The following CELF2 variants were observed in gnomAD, a reference collection of about 807,000 sequenced individuals.
CELF2 encodes the protein CUG triplet repeat RNA-binding protein 2.
Under a neutral mutation model 62.6 loss-of-function variants are expected in CELF2, and 8 were observed. The ratio of observed to expected loss-of-function variants is 0.13; its 90% CI spans 0.07 to 0.23. The LOEUF is 0.23. CELF2 is among the 10% of genes least tolerant of loss of function. The pLI is 1.00. For synonymous variants in CELF2, 258 were observed against 250.0 expected (o/e 1.03, Z -0.30); for missense variants, 333 against 671.0 (o/e 0.50, Z 5.56).
rs2096091365 is a variant in CELF2 at position 11,334,922 on chromosome 10, T to A, written c.*5869T>A. ...CAATCAAAAGATATGTATAGAAAAG[T>A]CATTTAAATTATTTATTTCTACAAG... On this transcript the variant is annotated 3_prime_UTR_variant, in exon 13 of 13. Coordinates refer to ENST00000633077, the MANE Select transcript of CELF2 (RefSeq NM_001326342.2). The A allele has an allele frequency of 6.6e-6, 1 of 152,184 alleles. No homozygotes were observed. Among genetic ancestry groups the A allele is most frequent in the Non-Finnish European group, 1.5e-5 (1 of 68,036 alleles). 9.4% of individuals were successfully genotyped at this position (152,184 alleles called of 1,614,324 possible). A position where few individuals can be genotyped will look rare whatever the true frequency, so the allele number is the denominator to read the frequency against.
At chr10:10,611,260 C>T in the CELF2 span, among the ~76,000 whole-genome samples, 19 of 152,222 alleles carry the variant, frequency 1.2e-4, no homozygotes, top group African/African-American at 4.1e-4. Context: ...TAAGAGCCAA[C>T]CTATCATGGG....
At chr10:10,919,619 T>C (rs1035525071) in intron 1 of CELF2, among the ~76,000 whole-genome samples, 4 of 152,234 alleles carry the variant, frequency 2.6e-5, no homozygotes, top group Non-Finnish European at 4.4e-5. Flanking sequence ...TCGTTTAACA[T>C]GTAAATGTCT....
In CELF2 at chr10:11,319,141, G is replaced by A. The variant is rs746844680; in HGVS notation, c.1097-2048G>A. On this transcript the variant is annotated intron_variant, in intron 10 of 12. Coordinates refer to ENST00000633077, the MANE Select transcript of CELF2 (RefSeq NM_001326342.2). This position sits in a 1 kb window ranked among gnomAD's most constrained non-coding sequence, Gnocchi z 4.4. ...TCTCCCGCCAGAATTTCCTCCACACGGGCATCTGCATTTCCAGAGGACTGT... is the reference window on the plus strand; with the variant it reads ...TCTCCCGCCAGAATTTCCTCCACACAGGCATCTGCATTTCCAGAGGACTGT... The A allele has an allele frequency of 1.9e-5, 9 of 469,260 alleles. No individual in the cohort carries two copies. Among genetic ancestry groups the A allele is most frequent in the East Asian group, 1.4e-4 (2 of 14,394 alleles). 29.1% of individuals were successfully genotyped at this position (469,260 alleles called of 1,614,324 possible). A position where few individuals can be genotyped will look rare whatever the true frequency, so the allele number is the denominator to read the frequency against.
chr10:11,027,209 A>C (rs1366101498), intron 1 of CELF2, among the ~76,000 whole-genome samples: 3 of 152,184 alleles, frequency 2.0e-5, no homozygotes, highest in African/African-American at 7.2e-5. Flanking sequence ...GCAGTTTCTT[A>C]ATATTAAGCC....
At chr10:10,789,448 C>T in the CELF2 span, among the ~76,000 whole-genome samples, 5 of 152,100 alleles carry the variant, frequency 3.3e-5, no homozygotes, top group African/African-American at 4.8e-5. Flanking sequence ...AATACTACTA[C>T]GAATATCCTG....
intron 2 of CELF2, among the ~76,000 whole-genome samples, chr10:11,215,628 G>A (rs1044326247): frequency 5.9e-5 from 9 of 151,500 alleles, no homozygotes; most frequent in African/African-American, 9.7e-5. Flanking sequence ...TAAATGAGGC[G>A]GTAATTCAGA....
At chr10:10,653,820 G>T in the CELF2 span, among the ~76,000 whole-genome samples, 2 of 148,516 alleles carry the variant, frequency 1.3e-5, no homozygotes, top group African/African-American at 5.0e-5. Flanking sequence ...GGAAAAGCAA[G>T]AGCAAACACA....
At chr10:11,213,103 G>A (rs781053602) in intron 2 of CELF2, among the ~76,000 whole-genome samples, 1 of 141,328 alleles carries the variant, frequency 7.1e-6, no homozygotes, top group Admixed American at 7.9e-5. Context: ...CCTCTAACAT[G>A]GAGCGAGGCC....
intron 2 of CELF2, among the ~76,000 whole-genome samples, chr10:10,988,094 A>G (rs1281017338): frequency 6.6e-6 from 1 of 152,150 alleles, no homozygotes; most frequent in Non-Finnish European, 1.5e-5. Context: ...TCAATCCAGC[A>G]ATCCCAGAGG....
chr10:10,925,882 C>CAG, intron 2 of CELF2, among the ~76,000 whole-genome samples: 1 of 152,270 alleles, frequency 6.6e-6, no homozygotes, highest in Non-Finnish European at 1.5e-5. Context: ...ATACAGCACC[C>CAG]AGACTCTGCG....
rs551635996 is a variant in CELF2, at chr10:11,283,077, G to A, written c.842-5341G>A. On this transcript the variant is annotated intron_variant, in intron 8 of 12. Transcript: ENST00000633077. ...GCTACCACACCTGGCTTATGAGCAC[G>A]CACTTCTGAAAATAAGAGTTGGGAG... 5.3e-5 allele frequency among the ~76,000 whole-genome samples: 8 copies of A among 152,308 alleles called. No individual in the cohort carries two copies. The South Asian group carries it at 8.3e-4, about 16-fold the overall frequency.
chr10:10,634,011 G>A, the CELF2 span, among the ~76,000 whole-genome samples: 4 of 152,050 alleles, frequency 2.6e-5, no homozygotes, highest in Non-Finnish European at 5.9e-5. Flanking sequence ...TTAAGTGTTA[G>A]AGCTTACTTG....
the CELF2 span, among the ~76,000 whole-genome samples, chr10:10,672,860 C>T: frequency 6.6e-6 from 1 of 152,066 alleles, no homozygotes; most frequent in African/African-American, 2.4e-5. Context: ...ATTGTGTTTG[C>T]ATTGAATTTG....
At chr10:11,225,198 G>A (rs6602484) in intron 3 of CELF2, among the ~76,000 whole-genome samples, 150,158 of 152,278 alleles carry the variant, frequency 0.99, 74,081 homozygotes, top group East Asian at 1. Context: ...AACAGTAAAC[G>A]GTGCGTGTGG....
At chr10:10,953,153 T>A (rs555803349) in intron 2 of CELF2, among the ~76,000 whole-genome samples, 21 of 152,318 alleles carry the variant, frequency 1.4e-4, no homozygotes, top group South Asian at 2.1e-4. Flanking sequence ...CTAATTAGCT[T>A]TTATGATTAT....
chr10:11,065,218 T>G (rs1441584255), intron 1 of CELF2, among the ~76,000 whole-genome samples: 1 of 152,206 alleles, frequency 6.6e-6, no homozygotes, highest in Non-Finnish European at 1.5e-5. Flanking sequence ...AGTTTGATGA[T>G]TGCCGTGATC....
rs1565398513 is a variant in CELF2 at position 11,223,814 on chromosome 10, C to T, written c.354+6307C>T. Among the ~76,000 whole-genome samples, 1 of 152,204 alleles carries T rather than the reference C, an allele frequency of 6.6e-6. No homozygotes were observed. Among genetic ancestry groups the T allele is most frequent in the East Asian group, 1.9e-4 (1 of 5,200 alleles). ...AGGATATCGGAGGATGGAAGGAAAT[C>T]CTGGGCCCAGTGAGTTCCATTCTGC... is the stretch of plus-strand genomic sequence containing the variant. On this transcript the variant is annotated intron_variant, in intron 3 of 12. Coordinates refer to ENST00000633077, the MANE Select transcript of CELF2 (RefSeq NM_001326342.2). This position sits in a 1 kb window ranked among gnomAD's most constrained non-coding sequence, Gnocchi z 5.1.
intron 2 of CELF2, among the ~76,000 whole-genome samples, chr10:10,978,832 G>A (rs888110967): frequency 2.0e-4 from 31 of 152,208 alleles, no homozygotes; most frequent in African/African-American, 7.0e-4. Flanking sequence ...TATTACTGAT[G>A]AATACTAGGA....
At chr10:10,666,588 C>CCTATTTTCAGTGGTTG in the CELF2 span, among the ~76,000 whole-genome samples, 15 of 75,870 alleles carry the variant, frequency 2.0e-4, no homozygotes, top group South Asian at 9.1e-4. Context: ...AGAGGCCGGG[C>CCTATTTTCAGTGGTTG]GCGGTGGCTC....
Sources: gnomAD v4.1 joint callset for allele counts (sites outside exome capture counted in the v4.1 genomes callset) on GRCh38, gnomAD v4.1.1 for gene constraint, Gnocchi (gnomAD v3.1) non-coding constraint, MANE v1.5 for transcripts, NCBI Gene and HGNC (gene_info 2026-07-23, HGNC 2026-07-21) for gene names.